GRIK2: variants seen among roughly 807,000 people sequenced by gnomAD.
GRIK2 encodes glutamate receptor ionotropic, kainate 2.
Under a neutral mutation model 100.3 loss-of-function variants are expected in GRIK2, and 32 were observed. The ratio of observed to expected loss-of-function variants is 0.32; its 90% CI spans 0.24 to 0.43. GRIK2 has a LOEUF of 0.43. Among genes scored for constraint, GRIK2 ranks in the 20% least tolerant of loss-of-function variants. The pLI, the probability that GRIK2 is intolerant of heterozygous loss-of-function variation, is 1.00. For missense variants in GRIK2, 843 were observed against 1,114.9 expected, an observed-to-expected ratio of 0.76 and a Z score of 3.47; for synonymous variants, 417 against 389.4, an observed-to-expected ratio of 1.07 and a Z score of -0.83.
intron 2 of GRIK2, among the ~76,000 whole-genome samples, chr6:101,492,590 A>G (rs1582568599): frequency 6.6e-6 from 1 of 151,616 alleles, no homozygotes; most frequent in South Asian, 2.1e-4. Flanking sequence ...GATCTGGAGG[A>G]TTTTCTTTCT....
At chr6:101,518,647 C>T (rs117952102) in intron 2 of GRIK2, among the ~76,000 whole-genome samples, 2,502 of 152,188 alleles carry the variant, frequency 0.016, 55 homozygotes, top group Non-Finnish European at 0.022. Flanking sequence ...GATTCTACAG[C>T]CAAATGTGTT....
chr6:101,791,887 G>C (rs1370060619), intron 7 of GRIK2, among the ~76,000 whole-genome samples: 1 of 151,682 alleles, frequency 6.6e-6, no homozygotes. Flanking sequence ...GAATCTGGGT[G>C]CTCCTGTATT....
chr6:102,059,041 C>A (rs1162391311), intron 16 of GRIK2, among the ~76,000 whole-genome samples: 1 of 150,978 alleles, frequency 6.6e-6, no homozygotes, highest in Non-Finnish European at 1.5e-5. Flanking sequence ...ATTGTAAATA[C>A]TAGTGAAAAC....
At position 101,816,708 on chromosome 6, in the gene GRIK2, A is replaced by T. The variant is rs112574869; in HGVS notation, c.1204-1662A>T. Reference sequence around the variant, plus strand: ...CCATCTCAAAAATAGATAAATAAATAAATTAATTAATTTTTAAAAAATTAA... The same window carrying T: ...CCATCTCAAAAATAGATAAATAAATTAATTAATTAATTTTTAAAAAATTAA... On this transcript the variant is annotated intron_variant, in intron 9 of 16. Transcript: ENST00000369134. Among the ~76,000 whole-genome samples the T allele has an allele frequency of 4.3e-3, 647 of 152,140 alleles. 7 individuals are homozygous for T. Among genetic ancestry groups the T allele is most frequent in the African/African-American group, 0.014 (601 of 41,500 alleles).
Position 102,055,511 on chromosome 6 carries a change from G to A in GRIK2, c.2493G>A (p.Leu831=), listed in dbSNP as rs779809881. Residue 831 remains leucine, a synonymous_variant, in exon 16 of 17, where the codon TTG becomes TTA. Coordinates refer to ENST00000369134, the MANE Select transcript of GRIK2 (RefSeq NM_021956.5). ...TCTTCATTGTTCTGGCAGCCGGCTT[G>A]GTGCTTTCAGTTTTTGTGGCAGTGG... ...GGIFIVLAAG[L]VLSVFVAVGE... 6.2e-6 allele frequency: 10 copies of A among 1,613,298 alleles called. No homozygotes were observed. In the South Asian group the frequency reaches 1.1e-4, roughly 18 times the overall value.
intron 2 of GRIK2, among the ~76,000 whole-genome samples, chr6:101,515,781 G>A (rs373436934): frequency 2.6e-5 from 4 of 151,874 alleles, no homozygotes; most frequent in African/African-American, 7.3e-5. Context: ...TTATCTTACC[G>A]ATTTGTTTGA....
chr6:101,789,723 T>C (rs1779699882), intron 7 of GRIK2, among the ~76,000 whole-genome samples: 1 of 152,190 alleles, frequency 6.6e-6, no homozygotes, highest in African/African-American at 2.4e-5. Flanking sequence ...TTTAAAGTAG[T>C]TTTTTCCAAT....
intron 2 of GRIK2, among the ~76,000 whole-genome samples, chr6:101,557,672 T>C (rs187018019): frequency 6.6e-6 from 1 of 152,334 alleles, no homozygotes; most frequent in Admixed American, 6.5e-5. Context: ...AGCCGCTCTA[T>C]AAGAATAGAA....
intron 2 of GRIK2, among the ~76,000 whole-genome samples, chr6:101,618,386 T>C (rs1256303649): frequency 9.9e-5 from 15 of 151,738 alleles, no homozygotes; most frequent in Admixed American, 9.9e-4. Flanking sequence ...TGTCCTAGAA[T>C]TCAAAATGCA....
chr6:101,574,636 T>G (rs1002648897), intron 2 of GRIK2, among the ~76,000 whole-genome samples: 3 of 151,562 alleles, frequency 2.0e-5, no homozygotes, highest in African/African-American at 4.8e-5. Flanking sequence ...ACTACCAGCA[T>G]GTACAGGGCT....
intron 14 of GRIK2, among the ~76,000 whole-genome samples, chr6:101,945,487 G>C (rs1300785373): frequency 1.3e-5 from 2 of 152,034 alleles, no homozygotes; most frequent in African/African-American, 4.8e-5. Context: ...TGTACTTTTG[G>C]TTGTACCTTC....
chr6:102,000,276 C>CTTTTTTTTTTT (rs34370144), intron 14 of GRIK2, among the ~76,000 whole-genome samples: 1 of 113,580 alleles, frequency 8.8e-6, no homozygotes, highest in African/African-American at 3.3e-5. Context: ...TTGTTGAAGG[C>CTTTTTTTTTTT]TTTTTTTTTT....
intron 2 of GRIK2, among the ~76,000 whole-genome samples, chr6:101,435,859 A>G (rs896998103): frequency 6.6e-6 from 1 of 152,096 alleles, no homozygotes; most frequent in African/African-American, 2.4e-5. Flanking sequence ...AGACTTTTCA[A>G]TATCAAAGCT....
intron 9 of GRIK2, among the ~76,000 whole-genome samples, chr6:101,804,041 T>C (rs1411372459): frequency 3.3e-5 from 5 of 151,936 alleles, no homozygotes; most frequent in South Asian, 2.1e-4. Flanking sequence ...AGTGATAAGA[T>C]AATACATATT....
chr6:101,729,897 G>A (rs570016153), intron 7 of GRIK2, among the ~76,000 whole-genome samples: 1 of 151,950 alleles, frequency 6.6e-6, no homozygotes, highest in Admixed American at 6.6e-5. Flanking sequence ...AAAAACCACA[G>A]GCATTATCTA....
At chr6:102,011,154 T>A (rs1413852185) in intron 14 of GRIK2, among the ~76,000 whole-genome samples, 1 of 152,210 alleles carries the variant, frequency 6.6e-6, no homozygotes, top group Non-Finnish European at 1.5e-5. Context: ...CATTTTGCAT[T>A]CCCACTAGCA....
chr6:102,052,725 T>C (rs561810096), intron 15 of GRIK2, among the ~76,000 whole-genome samples: 2 of 152,318 alleles, frequency 1.3e-5, no homozygotes, highest in African/African-American at 2.4e-5. Flanking sequence ...AAGAATTTTC[T>C]ATATTTGAAA....
At chr6:101,512,152 A>G (rs1438375571) in intron 2 of GRIK2, among the ~76,000 whole-genome samples, 1 of 151,668 alleles carries the variant, frequency 6.6e-6, no homozygotes, top group Admixed American at 6.6e-5. Context: ...TACCTGTTCT[A>G]TATTATATGC....
intron 9 of GRIK2, among the ~76,000 whole-genome samples, chr6:101,805,452 A>G (rs946655279): frequency 6.6e-6 from 1 of 152,026 alleles, no homozygotes; most frequent in Non-Finnish European, 1.5e-5. Context: ...AAATTTAACA[A>G]TTATGTTCTA....
Sources: gnomAD v4.1 joint callset for allele counts (sites outside exome capture counted in the v4.1 genomes callset) on GRCh38, gnomAD v4.1.1 for gene constraint, MANE v1.5 for transcripts, NCBI Gene and HGNC (gene_info 2026-07-23, HGNC 2026-07-21) for gene names.